ARRDC4: variants seen among roughly 807,000 people sequenced by gnomAD.
ARRDC4 encodes arrestin domain-containing protein 4.
In ARRDC4, 40 loss-of-function variants were observed where a neutral mutation model predicts 44.6. The observed-to-expected ratio is 0.90, with a 90% CI of 0.70 to 1.17. ARRDC4 has a LOEUF of 1.17. Among genes scored for constraint, ARRDC4 ranks in the 50% most tolerant of loss-of-function variants. The pLI is 0.00. For missense variants in ARRDC4, 550 were observed against 559.1 expected, an observed-to-expected ratio of 0.98 and a Z score of 0.16; for synonymous variants, 211 against 221.2, an observed-to-expected ratio of 0.95 and a Z score of 0.41.
In ARRDC4 at chr15:97,970,567, T is replaced by TC. The variant is rs771485729; in HGVS notation, c.1046-20dup. On this transcript the variant is annotated intron_variant, in intron 6 of 7. Coordinates refer to ENST00000268042, the MANE Select transcript of ARRDC4 (RefSeq NM_183376.3). The surrounding 1 kb of genome is among the most constrained non-coding windows in gnomAD (Gnocchi z 4.2). ...TTAATTTTTGAGTGGATTTCTTAAC[T>TC]CCAACTTCATTTCTATTTCAGCACC... is the stretch of plus-strand genomic sequence containing the variant. The TC allele has an allele frequency of 1.3e-6, 2 of 1,589,772 alleles. No homozygotes were observed. The highest frequency in any genetic ancestry group is 2.7e-5 in the African/African-American group (2 of 74,252).
Position 97,960,852 on chromosome 15 carries a change from G to T in ARRDC4, c.-10G>T, listed in dbSNP as rs1192592079. 1.5e-6 allele frequency: 2 copies of T among 1,340,102 alleles called. No homozygotes were observed. Among genetic ancestry groups the T allele is most frequent in the Admixed American group, 3.1e-5 (1 of 32,344 alleles). The allele number at this position is 1,340,102 out of a possible 1,614,324, so 83.0% of individuals were successfully genotyped here. On this transcript the variant is annotated 5_prime_UTR_variant, in exon 1 of 8. Coordinates refer to ENST00000268042, the MANE Select transcript of ARRDC4 (RefSeq NM_183376.3). ...CCGACCTCAGGGGCAGGAAAGAGTC[G>T]CCCGGCGGGATGGGCGGGGAGGCTG...
rs1417435659 is a variant in ARRDC4, at chr15:97,960,769, C to A, written c.-93C>A. 1.6e-5 allele frequency: 19 copies of A among 1,171,656 alleles called. No individual in the cohort carries two copies. The highest frequency in any genetic ancestry group is 9.8e-5 in the East Asian group (3 of 30,524). 72.6% of individuals were successfully genotyped at this position (1,171,656 alleles called of 1,614,324 possible). On this transcript the variant is annotated 5_prime_UTR_variant, in exon 1 of 8. Coordinates refer to ENST00000268042, the MANE Select transcript of ARRDC4 (RefSeq NM_183376.3). ...CGGCTGCCGCGGCGGCCTTACCCTG[C>A]CGCGAGCGCCTGTGACAGCGGCGCC...
Position 97,970,195 on chromosome 15 carries a change from TC to T in ARRDC4, c.1045+152del. 2.1e-6 allele frequency: 2 copies of T among 956,608 alleles called. No homozygotes were observed. Among genetic ancestry groups the T allele is most frequent in the Admixed American group, 6.0e-5 (2 of 33,132 alleles). 59.3% of individuals were successfully genotyped at this position (956,608 alleles called of 1,614,324 possible). A position where few individuals can be genotyped will look rare whatever the true frequency, so the allele number is the denominator to read the frequency against. The stretch of plus-strand genomic sequence containing the variant: ...CTACTAAAAAATCAGAAAGCATTAG[TC>T]CTGGGAGGGACTTTGAAAGTTTAGC... On this transcript the variant is annotated intron_variant, in intron 6 of 7. Coordinates refer to ENST00000268042, the MANE Select transcript of ARRDC4 (RefSeq NM_183376.3). The surrounding 1 kb of genome is among the most constrained non-coding windows in gnomAD (Gnocchi z 4.2).
intron 1 of ARRDC4, among the ~76,000 whole-genome samples, chr15:97,962,314 G>C (rs7174688): frequency 0.023 from 3,486 of 152,272 alleles, 96 homozygotes; most frequent in African/African-American, 0.062. Flanking sequence ...GGATCAATGG[G>C]AACAGTGTGT....
intron 1 of ARRDC4, among the ~76,000 whole-genome samples, chr15:97,961,912 TC>T (rs1391601649): frequency 6.6e-6 from 1 of 152,154 alleles, no homozygotes; most frequent in Non-Finnish European, 1.5e-5. Flanking sequence ...TTTGGTGAAG[TC>T]CAGTTCACAG....
chr15:97,965,424 GAC>G lies in ARRDC4; in HGVS notation c.308-171_308-170del, dbSNP rs1000711304. ...CGAGACCCTGTCTCTAAAACACATA[GAC>G]ACACGCACACACACCCCCCTTCAAA... is the stretch of plus-strand genomic sequence containing the variant. On this transcript the variant is annotated intron_variant, in intron 1 of 7. Coordinates refer to ENST00000268042, the MANE Select transcript of ARRDC4 (RefSeq NM_183376.3). This position sits in a 1 kb window ranked among gnomAD's most constrained non-coding sequence, Gnocchi z 5.1. 6.0e-5 allele frequency among the ~76,000 whole-genome samples: 9 copies of G among 150,484 alleles called. No homozygotes were observed. The highest frequency in any genetic ancestry group is 2.0e-4 in the African/African-American group (8 of 40,488).
chr15:97,961,934 T>C (rs1028911152), intron 1 of ARRDC4, among the ~76,000 whole-genome samples: 2 of 152,154 alleles, frequency 1.3e-5, no homozygotes, highest in African/African-American at 4.8e-5. Context: ...TGTAGACTTT[T>C]CCAGAAGTAC....
In ARRDC4 at chr15:97,969,398, T is replaced by TA. The variant is rs752258572; in HGVS notation, c.882+28dup. On this transcript the variant is annotated intron_variant, in intron 5 of 7. Coordinates refer to ENST00000268042, the MANE Select transcript of ARRDC4 (RefSeq NM_183376.3). Reference sequence around the variant, plus strand: ...CTTAGCTGTAAGCAAAGCTCTTTTTTAAAAAAAAATGTGTATGATGGACAA... The same window carrying TA: ...CTTAGCTGTAAGCAAAGCTCTTTTTTAAAAAAAAAATGTGTATGATGGACAA... 135 of 1,006,736 alleles carry TA rather than the reference T, an allele frequency of 1.3e-4. No homozygotes were observed. Among genetic ancestry groups the TA allele is most frequent in the East Asian group, 3.7e-4 (12 of 32,532 alleles). 62.4% of individuals were successfully genotyped at this position (1,006,736 alleles called of 1,614,324 possible).
In ARRDC4 at chr15:97,971,117, C is replaced by G; in HGVS notation, c.1201-14C>G. Reference sequence around the variant, plus strand: ...ATGCTACAACACTAATCTCAGTCCGCTCTTTTTTTGCAGGTTGACCCACAT... The same window carrying G: ...ATGCTACAACACTAATCTCAGTCCGGTCTTTTTTTGCAGGTTGACCCACAT... On this transcript the variant is annotated splice_polypyrimidine_tract_variant and intron_variant, in intron 7 of 7. Coordinates refer to ENST00000268042, the MANE Select transcript of ARRDC4 (RefSeq NM_183376.3). 2 of 1,612,916 alleles carry G rather than the reference C, an allele frequency of 1.2e-6. No individual in the cohort carries two copies. Among genetic ancestry groups the G allele is most frequent in the East Asian group, 2.2e-5 (1 of 44,858 alleles).
Position 97,966,027 on chromosome 15 carries a change from C to T in ARRDC4, c.507C>T (p.Asn169=). Residue 169 remains asparagine (N), a synonymous_variant, in exon 3 of 8, where the codon AAC becomes AAT. Transcript: ENST00000268042. The surrounding 1 kb of genome is among the most constrained non-coding windows in gnomAD (Gnocchi z 4.7). ...ELQVVSHVDV[N]TPALLTPVLK... is the part of the protein sequence containing the mutation. The stretch of plus-strand genomic sequence containing the variant: ...AGGTTGTTAGTCATGTCGATGTCAA[C>T]ACACCAGCATTATTAGTAAGTTCTT... 6.2e-7 allele frequency: 1 copy of T among 1,614,152 alleles called. No homozygotes were observed.
Position 97,960,761 on chromosome 15 carries a change from T to C in ARRDC4, c.-101T>C. The C allele has an allele frequency of 3.6e-6, 4 of 1,119,282 alleles. No individual in the cohort carries two copies. The highest frequency in any genetic ancestry group is 1.6e-5 in the African/African-American group (1 of 61,664). The allele number at this position is 1,119,282 out of a possible 1,614,324, so 69.3% of individuals were successfully genotyped here. A position where few individuals can be genotyped will look rare whatever the true frequency, so the allele number is the denominator to read the frequency against. ...GTACCGCACGGCTGCCGCGGCGGCCTTACCCTGCCGCGAGCGCCTGTGACA... is the reference window on the plus strand; with the variant it reads ...GTACCGCACGGCTGCCGCGGCGGCCCTACCCTGCCGCGAGCGCCTGTGACA... On this transcript the variant is annotated 5_prime_UTR_variant, in exon 1 of 8. Transcript: ENST00000268042.
Position 97,965,574 on chromosome 15 carries a change from T to C in ARRDC4, c.308-26T>C. On this transcript the variant is annotated intron_variant, in intron 1 of 7. Coordinates refer to ENST00000268042, the MANE Select transcript of ARRDC4 (RefSeq NM_183376.3). The surrounding 1 kb of genome is among the most constrained non-coding windows in gnomAD (Gnocchi z 5.1). ...TTGATCTAATACTAACTATCCTTCA[T>C]TAAAATAAAATACAATCTCTTATAG... is the stretch of plus-strand genomic sequence containing the variant. The C allele has an allele frequency of 6.4e-7, 1 of 1,565,976 alleles. No homozygotes were observed. The highest frequency in any genetic ancestry group is 1.1e-5 in the South Asian group (1 of 89,900).
chr15:97,961,363 C>T (rs1435123120), intron 1 of ARRDC4, among the ~76,000 whole-genome samples, 195 bp downstream of exon 1: 1 of 152,184 alleles, frequency 6.6e-6, no homozygotes, highest in Non-Finnish European at 1.5e-5. Context: ...GCGCCCCGCC[C>T]CTGGCCCGCC....
In ARRDC4 at chr15:97,960,931, T is replaced by C; in HGVS notation, c.70T>C (p.Phe24Leu). 4.1e-6 allele frequency: 6 copies of C among 1,466,216 alleles called. No homozygotes were observed. The highest frequency in any genetic ancestry group is 3.6e-6 in the Non-Finnish European group (4 of 1,105,824). The allele number at this position is 1,466,216 out of a possible 1,614,324, so 90.8% of individuals were successfully genotyped here. A position where few individuals can be genotyped will look rare whatever the true frequency, so the allele number is the denominator to read the frequency against. The change falls in exon 1 of 8, where the codon TTC becomes CTC. Residue 24 changes from phenylalanine to leucine, a missense_variant. By Grantham distance (22) the Phe-to-Leu change is conservative. Transcript: ENST00000268042. The stretch of plus-strand genomic sequence containing the variant: ...CCGCGTGAAGAGCCTGGGTCTGGTG[T>C]TCGAGGACGAGCGCAAGGGCTGCTA... ...EGRVKSLGLV[F>L]EDERKGCYSS...
In ARRDC4 at chr15:97,960,966, C is replaced by G; in HGVS notation, c.105C>G (p.Gly35=). ...EDERKGCYSS[G]ETVAGHVLLE... is the part of the protein sequence containing the mutation. ...AGCGCAAGGGCTGCTATTCCAGCGG[C>G]GAGACAGTGGCCGGGCACGTGCTGC... The change falls in exon 1 of 8, where the codon GGC becomes GGG. Residue 35 remains glycine (G), a synonymous_variant. Coordinates refer to ENST00000268042, the MANE Select transcript of ARRDC4 (RefSeq NM_183376.3). 1 of 1,465,844 alleles carries G rather than the reference C, an allele frequency of 6.8e-7. No individual in the cohort carries two copies. Among genetic ancestry groups the G allele is most frequent in the South Asian group, 1.3e-5 (1 of 76,108 alleles). The allele number at this position is 1,465,844 out of a possible 1,614,324, so 90.8% of individuals were successfully genotyped here.
chr15:97,960,907 C>T lies in ARRDC4; in HGVS notation c.46C>T (p.Arg16Cys). The T allele has an allele frequency of 7.0e-7, 1 of 1,431,336 alleles. No homozygotes were observed. Among genetic ancestry groups the T allele is most frequent in the Non-Finnish European group, 9.2e-7 (1 of 1,085,836 alleles). The allele number at this position is 1,431,336 out of a possible 1,614,324, so 88.7% of individuals were successfully genotyped here. The part of the protein sequence containing the change: ...GCAAAVGAEG[R>C]VKSLGLVFED... ...CGCGGCGGCCGTGGGTGCCGAGGGC[C>T]GCGTGAAGAGCCTGGGTCTGGTGTT... is the stretch of plus-strand genomic sequence containing the variant. Residue 16 changes from arginine (R) to cysteine (C), a missense_variant, in exon 1 of 8, where the codon CGC (arginine) becomes TGC (cysteine). By Grantham distance (180) the Arg-to-Cys change is radical. Coordinates refer to ENST00000268042, the MANE Select transcript of ARRDC4 (RefSeq NM_183376.3).
Position 97,961,029 on chromosome 15 carries a change from C to T in ARRDC4, c.168C>T (p.Arg56=). 2.8e-6 allele frequency: 4 copies of T among 1,436,618 alleles called. No individual in the cohort carries two copies. Among genetic ancestry groups the T allele is most frequent in the Non-Finnish European group, 2.7e-6 (3 of 1,095,620 alleles). The allele number at this position is 1,436,618 out of a possible 1,614,324, so 89.0% of individuals were successfully genotyped here. ...AGCCGGTGGCCCTGCGCGCGCTGCG[C>T]CTGGAGGCCCAGGGGCGCGCCACCG... ...ASEPVALRAL[R]LEAQGRATAA... Residue 56 remains arginine (R), a synonymous_variant, in exon 1 of 8, where the codon CGC becomes CGT. Coordinates refer to ENST00000268042, the MANE Select transcript of ARRDC4 (RefSeq NM_183376.3).
intron 1 of ARRDC4, among the ~76,000 whole-genome samples, chr15:97,963,293 A>G (rs1296187941): frequency 6.6e-6 from 1 of 152,260 alleles, no homozygotes; most frequent in Non-Finnish European, 1.5e-5. Flanking sequence ...CACATGGTTC[A>G]GCTTGTGAAC....
At chr15:97,962,560 A>C (rs1899339914) in intron 1 of ARRDC4, among the ~76,000 whole-genome samples, 1 of 152,204 alleles carries the variant, frequency 6.6e-6, no homozygotes, top group Non-Finnish European at 1.5e-5. Flanking sequence ...AGCAATAAAA[A>C]ACTGCTTTGG....
Sources: allele counts gnomAD v4.1 joint callset (sites outside exome capture counted in the v4.1 genomes callset), GRCh38; gene constraint gnomAD v4.1.1; non-coding constraint Gnocchi (gnomAD v3.1); transcripts MANE v1.5; gene names NCBI Gene and HGNC (gene_info 2026-07-23, HGNC 2026-07-21).